TTC12: variants seen among roughly 807,000 people sequenced by gnomAD.
TTC12 encodes the protein tetratricopeptide repeat protein 12.
Under a neutral mutation model 90.1 loss-of-function variants are expected in TTC12, and 70 were observed. The ratio of observed to expected loss-of-function variants is 0.78; its 90% confidence interval spans 0.64 to 0.95. TTC12 has a LOEUF of 0.95. TTC12 is among the 40% of genes least tolerant of loss of function. The pLI is 0.00. For missense variants in TTC12, 819 were observed against 846.1 expected, an observed-to-expected ratio of 0.97 and a Z score of 0.40; for synonymous variants, 296 against 311.5, an observed-to-expected ratio of 0.95 and a Z score of 0.53.
Position 113,359,878 on chromosome 11 carries a change from C to T in TTC12, c.1546-62C>T, listed in dbSNP as rs2276070. On this transcript the variant is annotated intron_variant, in intron 17 of 21. Transcript: ENST00000529221. ...AGGAGACGGTGCTCAGAAGAAGCTC[C>T]GCTGAGAATTCAGATTGTCAGAAAA... 0.17 allele frequency: 236,646 copies of T among 1,358,820 alleles called. 24,330 individuals carry two copies. Among genetic ancestry groups the T allele is most frequent in the East Asian group, 0.5 (20,337 of 40,702 alleles). 84.2% of individuals were successfully genotyped at this position (1,358,820 alleles called of 1,614,324 possible).
chr11:113,339,265 T>A, intron 9 of TTC12, 21 bp from the exon 10 acceptor site: 1 of 1,582,594 alleles, frequency 6.3e-7, no homozygotes, highest in Non-Finnish European at 8.6e-7. Context: ...TTTGTTTTGC[T>A]TTCCTTTCTT....
Position 113,325,529 on chromosome 11 carries a change from A to G in TTC12, c.328A>G (p.Lys110Glu), listed in dbSNP as rs1947631969. ...RENKVLADALKEKGNEAFAEG... is the reference protein window; with the variant it reads ...RENKVLADALEEKGNEAFAEG... ...TGTAACTTATATTCCCATAGCCCTA[A>G]AAGAAAAAGGGAATGAAGCATTTGC... Residue 110 changes from lysine (K) to glutamate (E), a missense_variant, in exon 6 of 22, where the codon AAA becomes GAA. Transcript: ENST00000529221. 1 of 1,613,846 alleles carries G rather than the reference A, an allele frequency of 6.2e-7. No individual in the cohort carries two copies.
chr11:113,371,295 C>T (rs1179750333), downstream of TTC12: 4 of 152,148 alleles, frequency 2.6e-5, no homozygotes, highest in Non-Finnish European at 5.9e-5. Flanking sequence ...TTTAAATCAT[C>T]TCTAGATTGC....
chr11:113,358,314 T>C (rs1949730347), intron 16 of TTC12, among the ~76,000 whole-genome samples: 1 of 151,658 alleles, frequency 6.6e-6, no homozygotes, highest in Non-Finnish European at 1.5e-5. Context: ...ATGTGGGGAG[T>C]TGCCCTGGGC....
chr11:113,348,827 C>T (rs1949111557), intron 13 of TTC12, among the ~76,000 whole-genome samples: 1 of 152,214 alleles, frequency 6.6e-6, no homozygotes, highest in African/African-American at 2.4e-5. Flanking sequence ...TTCCAGCAGG[C>T]CCTAGAAGGC....
chr11:113,360,268 C>T (rs1263045491), intron 18 of TTC12, among the ~76,000 whole-genome samples: 1 of 152,118 alleles, frequency 6.6e-6, no homozygotes, highest in Non-Finnish European at 1.5e-5. Context: ...AGGAACCCAA[C>T]TTAAGAATCC....
At chr11:113,366,908 C>T (rs1219215106), downstream of TTC12, among the ~76,000 whole-genome samples, 1 of 152,216 alleles carries the variant, frequency 6.6e-6, no homozygotes, top group Non-Finnish European at 1.5e-5. Context: ...CACCCTCCTC[C>T]AGCCCATCTG....
chr11:113,364,077 C>T, intron 20 of TTC12, 150 bp downstream of exon 20: 1 of 603,388 alleles, frequency 1.7e-6, no homozygotes, highest in South Asian at 2.1e-5. Flanking sequence ...TGTTTCACAT[C>T]CAGATCTGAA....
downstream of TTC12, among the ~76,000 whole-genome samples, chr11:113,370,618 G>T (rs1950356095): frequency 6.6e-6 from 1 of 152,260 alleles, no homozygotes; most frequent in South Asian, 2.1e-4. Context: ...TTGCCCTGGG[G>T]CTGGATCAGG....
At position 113,363,922 on chromosome 11, in the gene TTC12, A is replaced by T. The variant is rs1314568177; in HGVS notation, c.1811A>T (p.Asp604Val). ...HEAREEVIRL[D>V]KKLSVMMKLL... ...GCTCGGGAAGAAGTAATAAGACTGG[A>T]TAAAAGTAAGTGATGATTTCCTTAA... Residue 604 changes from aspartate to valine, a missense_variant, in exon 20 of 22, where the codon GAT (aspartate) becomes GTT (valine). Coordinates refer to ENST00000529221, the MANE Select transcript of TTC12 (RefSeq NM_017868.4). 4.3e-6 allele frequency: 7 copies of T among 1,609,574 alleles called. No homozygotes were observed. The highest frequency in any genetic ancestry group is 1.7e-5 in the Admixed American group (1 of 59,982).
In TTC12 at chr11:113,322,037, C is replaced by A. The variant is rs1555138739; in HGVS notation, c.59-1251C>A. Among the ~76,000 whole-genome samples the A allele has an allele frequency of 2.6e-5, 4 of 152,080 alleles. No homozygotes were observed. In the South Asian group the frequency reaches 8.3e-4, roughly 32 times the overall value. On this transcript the variant is annotated intron_variant, in intron 2 of 21. Coordinates refer to ENST00000529221, the MANE Select transcript of TTC12 (RefSeq NM_017868.4). ...GTGATGCAGCAAAATCTAAATGATACAAATACTAAGTATTAAAGCATGCTG... is the reference window on the plus strand; with the variant it reads ...GTGATGCAGCAAAATCTAAATGATAAAAATACTAAGTATTAAAGCATGCTG...
downstream of TTC12, among the ~76,000 whole-genome samples, chr11:113,369,610 A>C (rs1950328488): frequency 6.6e-6 from 1 of 152,094 alleles, no homozygotes; most frequent in African/African-American, 2.4e-5. Context: ...GGGAGTCAGA[A>C]TTTGACCCCA....
chr11:113,323,152 C>G, intron 2 of TTC12, 136 bp from the exon 3 acceptor site: 2 of 366,454 alleles, frequency 5.5e-6, no homozygotes, highest in Non-Finnish European at 9.1e-6. Flanking sequence ...ATTGGTTCTG[C>G]TTGCTCTATT....
chr11:113,364,832 C>A lies in TTC12; in HGVS notation c.1817-3C>A. The stretch of plus-strand genomic sequence containing the variant: ...TGTTGCTTGTTCTCTTCTTTCCCTG[C>A]AGAGTTGAGCGTTATGATGAAGCTG... On this transcript the variant is annotated splice_region_variant and splice_polypyrimidine_tract_variant and intron_variant, in intron 20 of 21. Coordinates refer to ENST00000529221, the MANE Select transcript of TTC12 (RefSeq NM_017868.4). 1 of 1,613,596 alleles carries A rather than the reference C, an allele frequency of 6.2e-7. No individual in the cohort carries two copies.
At chr11:113,334,317 T>C (rs1225671253) in intron 7 of TTC12, among the ~76,000 whole-genome samples, 1 of 152,082 alleles carries the variant, frequency 6.6e-6, no homozygotes, top group Non-Finnish European at 1.5e-5. Context: ...CAGGGCCTCC[T>C]GTGTAAATGG....
chr11:113,357,555 TG>T (rs1380424563), intron 16 of TTC12, among the ~76,000 whole-genome samples: 3 of 152,256 alleles, frequency 2.0e-5, no homozygotes, highest in Admixed American at 6.5e-5. Context: ...TTATCTTTGT[TG>T]ATTTCTCTAC....
chr11:113,324,039 A>G (rs781855778), intron 4 of TTC12, 24 bp downstream of exon 4: 23 of 1,599,342 alleles, frequency 1.4e-5, no homozygotes, highest in Non-Finnish European at 2.0e-5. Context: ...CTCTCTTCCC[A>G]ATTTTCATTC....
At chr11:113,355,969 G>C (rs1053345606) in intron 16 of TTC12, among the ~76,000 whole-genome samples, 1 of 152,174 alleles carries the variant, frequency 6.6e-6, no homozygotes, top group Non-Finnish European at 1.5e-5. Flanking sequence ...ATTTGATCCA[G>C]TGCTAAGTTC....
At chr11:113,341,489 A>C (rs1948679808) in intron 11 of TTC12, among the ~76,000 whole-genome samples, 1 of 152,136 alleles carries the variant, frequency 6.6e-6, no homozygotes, top group Non-Finnish European at 1.5e-5. Context: ...CTGTATTTTC[A>C]TTTCAGTTGT....
Sources: allele counts gnomAD v4.1 joint callset (sites outside exome capture counted in the v4.1 genomes callset), GRCh38; gene constraint gnomAD v4.1.1; transcripts MANE v1.5; gene names NCBI Gene and HGNC (gene_info 2026-07-23, HGNC 2026-07-21).